Variants in GPATCH2L observed in about 807,000 individuals in gnomAD.
The protein encoded by GPATCH2L is G-patch domain containing 2 like.
In GPATCH2L, 31 loss-of-function variants were observed where a neutral mutation model predicts 57.4. The ratio of observed to expected loss-of-function variants is 0.54; its 90% CI spans 0.41 to 0.73. The LOEUF (loss-of-function observed/expected upper bound fraction) is 0.73. GPATCH2L is among the 30% of genes least tolerant of loss of function. GPATCH2L has a pLI of 0.00. For synonymous variants in GPATCH2L, 199 were observed against 210.7 expected, an observed-to-expected ratio of 0.94 and a Z score of 0.48; for missense variants, 481 against 599.9, an observed-to-expected ratio of 0.80 and a Z score of 2.07.
intron 4 of GPATCH2L, 113 bp from the exon 5 acceptor site, chr14:76,173,433 T>A: frequency 3.1e-6 from 2 of 647,444 alleles, no homozygotes; most frequent in Non-Finnish European, 5.5e-6. Context: ...GTGATGCTAG[T>A]TTAAAGGTCA....
chr14:76,159,214 C>T (rs972598999), intron 2 of GPATCH2L, among the ~76,000 whole-genome samples: 2 of 152,236 alleles, frequency 1.3e-5, no homozygotes, highest in East Asian at 1.9e-4. Context: ...CGATTCTTTT[C>T]AGTCACAGTC....
chr14:76,218,976 C>T (rs1047218753), downstream of GPATCH2L, among the ~76,000 whole-genome samples: 35 of 109,838 alleles, frequency 3.2e-4, no homozygotes, highest in African/African-American at 4.6e-4. Context: ...AAGATTTAAA[C>T]GTAAAAAATA....
In GPATCH2L at chr14:76,221,197, G is replaced by A. The variant is rs368205377; in HGVS notation, c.66-8611G>A. 4.7e-5 allele frequency among the ~76,000 whole-genome samples: 7 copies of A among 147,642 alleles called. No individual in the cohort carries two copies. In the East Asian group the frequency reaches 1.4e-3, roughly 29 times the overall value. ...AAAAAAAAAAGCCCTAAATTAAAAAGTGGACAAAAGATCTGAACAGACACC... is the reference window on the plus strand; with the variant it reads ...AAAAAAAAAAGCCCTAAATTAAAAAATGGACAAAAGATCTGAACAGACACC... On this transcript the variant is annotated intron_variant and NMD_transcript_variant, in intron 1 of 3. Coordinates refer to the GPATCH2L transcript ENST00000556372.
At position 76,180,757 on chromosome 14, in the gene GPATCH2L, C is replaced by T. The variant is rs745941913; in HGVS notation, c.1108-7C>T. On this transcript the variant is annotated splice_region_variant and splice_polypyrimidine_tract_variant and intron_variant, in intron 7 of 9. Coordinates refer to ENST00000261530, the MANE Select transcript of GPATCH2L (RefSeq NM_017926.4). ...CCTTACTAAAATAGTCTTATTCATT[C>T]CTGCAGTTCAATCCCCTGTCTCCCC... The T allele has an allele frequency of 1.8e-5, 28 of 1,587,674 alleles. No homozygotes were observed. The highest frequency in any genetic ancestry group is 2.4e-5 in the Non-Finnish European group (28 of 1,155,904).
Position 76,201,829 on chromosome 14 carries a change from A to C in GPATCH2L, c.1427A>C (p.Glu476Ala). The C allele has an allele frequency of 6.2e-7, 1 of 1,614,016 alleles. No homozygotes were observed. Among genetic ancestry groups the C allele is most frequent in the Admixed American group, 1.7e-5 (1 of 60,008 alleles). Residue 476 changes from glutamate (E) to alanine (A), a missense_variant, in exon 10 of 10, where the codon GAA (glutamate) becomes GCA (alanine). Transcript: ENST00000261530. ...GCTACATTTTTTAAAATGCCACAAG[A>C]AAAGAGCCCTGGATACAGCTAGAGA... is the stretch of plus-strand genomic sequence containing the variant. ...TTATFFKMPQ[E>A]KSPGYS is the part of the protein sequence containing the mutation.
chr14:76,157,266 G>A (rs1242037618), intron 2 of GPATCH2L, among the ~76,000 whole-genome samples: 3 of 152,212 alleles, frequency 2.0e-5, no homozygotes, highest in African/African-American at 7.2e-5. Context: ...GAAAGGGGGT[G>A]ATTCTTACTC....
intron 5 of GPATCH2L, 137 bp downstream of exon 5, chr14:76,173,762 C>T: frequency 1.6e-6 from 1 of 620,706 alleles, no homozygotes; most frequent in Non-Finnish European, 3.0e-6. Context: ...TGGGAGTTTA[C>T]AAGAGTGAAC....
chr14:76,181,923 T>C (rs969098933), intron 8 of GPATCH2L, among the ~76,000 whole-genome samples: 6 of 152,230 alleles, frequency 3.9e-5, no homozygotes, highest in Admixed American at 3.9e-4. Flanking sequence ...GTTACTTTCA[T>C]GGATACAGTT....
intron 6 of GPATCH2L, 21 bp from the exon 7 acceptor site, chr14:76,177,967 A>G (rs770116730): frequency 5.6e-6 from 9 of 1,603,206 alleles, no homozygotes; most frequent in South Asian, 5.5e-5. Flanking sequence ...TTATTTTATC[A>G]TTTGGTTTCC....
rs200668070 is a variant in GPATCH2L at position 76,159,203 on chromosome 14, G to A, written c.662+4178G>A. Among the ~76,000 whole-genome samples, 7 of 152,306 alleles carry A rather than the reference G, an allele frequency of 4.6e-5. No homozygotes were observed. The East Asian group carries it at 9.6e-4, about 21-fold the overall frequency. The stretch of plus-strand genomic sequence containing the variant: ...AGATCCCTTGTAACACTGAGATGCT[G>A]CGATTCTTTTCAGTCACAGTCTACT... On this transcript the variant is annotated intron_variant, in intron 2 of 9. Coordinates refer to ENST00000261530, the MANE Select transcript of GPATCH2L (RefSeq NM_017926.4).
chr14:76,199,625 C>A (rs1333067306), intron 9 of GPATCH2L, among the ~76,000 whole-genome samples: 1 of 152,146 alleles, frequency 6.6e-6, no homozygotes, highest in Non-Finnish European at 1.5e-5. Context: ...CCACTTCCTG[C>A]TCATTAGGAT....
intron 9 of GPATCH2L, among the ~76,000 whole-genome samples, chr14:76,197,384 A>G (rs2139811468): frequency 6.6e-6 from 1 of 152,296 alleles, no homozygotes; most frequent in Admixed American, 6.5e-5. Context: ...GAACCACTGG[A>G]AAGAGTTTAA....
At chr14:76,220,633 G>A (rs1370045991) in intron 1 of GPATCH2L, among the ~76,000 whole-genome samples, 2 of 152,140 alleles carry the variant, frequency 1.3e-5, no homozygotes, top group African/African-American at 4.8e-5. Context: ...AGTGTCAGAA[G>A]AGGTATTCTT....
intron 7 of GPATCH2L, 135 bp downstream of exon 7, chr14:76,178,177 A>G (rs1245246538): frequency 1.5e-6 from 2 of 1,358,630 alleles, no homozygotes; most frequent in African/African-American, 1.4e-5. Flanking sequence ...CTTGTAGCAT[A>G]TATTTCATAG....
intron 8 of GPATCH2L, among the ~76,000 whole-genome samples, chr14:76,188,197 T>C (rs2039842269): frequency 1.3e-5 from 2 of 152,162 alleles, no homozygotes. Flanking sequence ...AGATATCTCT[T>C]TGATATACTG....
At chr14:76,198,456 A>G (rs1056168355) in intron 9 of GPATCH2L, among the ~76,000 whole-genome samples, 11 of 152,362 alleles carry the variant, frequency 7.2e-5, no homozygotes, top group African/African-American at 2.6e-4. Flanking sequence ...GATTTTCTTC[A>G]TCAGAATGGT....
intron 8 of GPATCH2L, among the ~76,000 whole-genome samples, chr14:76,193,907 A>G (rs529365181): frequency 2.0e-4 from 31 of 152,310 alleles, no homozygotes; most frequent in Non-Finnish European, 4.3e-4. Flanking sequence ...ATGATTGAAT[A>G]AGATCAGAGT....
intron 2 of GPATCH2L, among the ~76,000 whole-genome samples, chr14:76,160,763 C>G (rs2139582910): frequency 6.6e-6 from 1 of 152,198 alleles, no homozygotes; most frequent in South Asian, 2.1e-4. Context: ...AATCCATGTT[C>G]TTTAAAAATT....
rs758226453 is a variant in GPATCH2L, at chr14:76,155,015, A to G, written c.652A>G (p.Met218Val). 1.2e-6 allele frequency: 2 copies of G among 1,608,136 alleles called. No individual in the cohort carries two copies. Among genetic ancestry groups the G allele is most frequent in the East Asian group, 2.2e-5 (1 of 44,836 alleles). Residue 218 changes from methionine to valine, a missense_variant, in exon 2 of 10, where the codon ATG (methionine) becomes GTG (valine). Physicochemically the swap from Met to Val is conservative, Grantham distance 21 (BLOSUM62 1). Coordinates refer to ENST00000261530, the MANE Select transcript of GPATCH2L (RefSeq NM_017926.4). ...ACAAAAACAGGGCTCTGATGAGAACATGTCAGAATGGTGAGATCTCCCTTA... is the reference window on the plus strand; with the variant it reads ...ACAAAAACAGGGCTCTGATGAGAACGTGTCAGAATGGTGAGATCTCCCTTA... ...DEQKQGSDEN[M>V]SECETSSVCS...
Sources: gnomAD v4.1 joint callset for allele counts (sites outside exome capture counted in the v4.1 genomes callset) on GRCh38, gnomAD v4.1.1 for gene constraint, MANE v1.5 for transcripts, NCBI Gene and HGNC (gene_info 2026-07-23, HGNC 2026-07-21) for gene names.